ZSCAN20: variants seen among roughly 807,000 people sequenced by gnomAD.
The protein encoded by ZSCAN20 is zinc finger and SCAN domain-containing protein 20.
Under a neutral mutation model 97.1 loss-of-function variants are expected in ZSCAN20, and 39 were observed. That is an observed-to-expected ratio of 0.40 (90% CI 0.31 to 0.52). The LOEUF (loss-of-function observed/expected upper bound fraction) is 0.52, where lower values mean the gene tolerates loss of function less well. ZSCAN20 is among the 20% of genes least tolerant of loss of function. ZSCAN20 has a pLI of 0.49. For synonymous variants in ZSCAN20, 456 were observed against 467.3 expected (o/e 0.98, Z 0.31); for missense variants, 1,115 against 1,290.4 (o/e 0.86, Z 2.08).
chr1:33,479,983 A>G (rs1652087725), intron 2 of ZSCAN20, among the ~76,000 whole-genome samples: 1 of 152,170 alleles, frequency 6.6e-6, no homozygotes, highest in Admixed American at 6.5e-5. Flanking sequence ...CCAGGGTCTC[A>G]ACAGCTGCTA....
intron 2 of ZSCAN20, among the ~76,000 whole-genome samples, chr1:33,481,359 T>C (rs184003995): frequency 1.4e-3 from 208 of 152,166 alleles, no homozygotes; most frequent in Non-Finnish European, 2.3e-3. Context: ...AATGAGAGGG[T>C]TGGATTAGAC....
Position 33,495,168 on chromosome 1 carries a change from G to A in ZSCAN20, c.2824G>A (p.Glu942Lys). 6.2e-7 allele frequency: 1 copy of A among 1,613,824 alleles called. No individual in the cohort carries two copies. The highest frequency in any genetic ancestry group is 8.5e-7 in the Non-Finnish European group (1 of 1,179,892). Residue 942 changes from glutamate to lysine, a missense_variant, in exon 8 of 8, where the codon GAG becomes AAG. This residue lies in a region of ZSCAN20 where 554 missense variants were observed against 584.9 expected (regional missense o/e 0.95). Transcript: ENST00000684572. Reference sequence around the variant, plus strand: ...TGTGGACTGTGGGAAGTGCTTCAGTGAGCGCTCCAAGCTCATCACACACCA... The same window carrying A: ...TGTGGACTGTGGGAAGTGCTTCAGTAAGCGCTCCAAGCTCATCACACACCA... ...KCVDCGKCFS[E>K]RSKLITHQRV...
Position 33,496,336 on chromosome 1 carries a change from T to C in ZSCAN20, c.*860T>C, listed in dbSNP as rs1291319221. 2.0e-5 allele frequency: 3 copies of C among 152,224 alleles called. No homozygotes were observed. Among genetic ancestry groups the C allele is most frequent in the African/African-American group, 7.2e-5 (3 of 41,454 alleles). The allele number at this position is 152,224 out of a possible 1,614,324, so 9.4% of individuals were successfully genotyped here. On this transcript the variant is annotated 3_prime_UTR_variant, in exon 8 of 8. Transcript: ENST00000684572. The stretch of plus-strand genomic sequence containing the variant: ...TTATGAAATTTCCACATTTTGAATT[T>C]TTTAAACAAATATGGAAACTGAGAA...
chr1:33,479,390 C>G lies in ZSCAN20; in HGVS notation c.102C>G (p.Ser34=), dbSNP rs41265899. Residue 34 remains serine (S), a synonymous_variant, in exon 2 of 8, where the codon TCC becomes TCG. Transcript: ENST00000684572. ...KLEEDSWGSE[S]KLWEKDRGSV... ...AAGAGGACTCTTGGGGATCAGAATCCAAACTCTGGGAGAAGGACCGTGGCT... is the reference window on the plus strand; with the variant it reads ...AAGAGGACTCTTGGGGATCAGAATCGAAACTCTGGGAGAAGGACCGTGGCT... The G allele has an allele frequency of 4.9e-3, 7,960 of 1,614,238 alleles. 27 individuals are homozygous for G. The highest frequency in any genetic ancestry group is 5.8e-3 in the Non-Finnish European group (6,892 of 1,180,034).
At chr1:33,485,478 T>G (rs894239718) in intron 2 of ZSCAN20, among the ~76,000 whole-genome samples, 2 of 152,030 alleles carry the variant, frequency 1.3e-5, no homozygotes, top group Non-Finnish European at 2.9e-5. Flanking sequence ...GGTGGGACCT[T>G]GGCTCACTGC....
rs1331467096 is a variant in ZSCAN20 at position 33,499,145 on chromosome 1, G to A, written c.*3669G>A. ...GATAGCTCTCTGCTTTCGGGCTGCA[G>A]AAAAGAATTGAGTCACTTTCTGTAG... On this transcript the variant is annotated 3_prime_UTR_variant, in exon 8 of 8. Transcript: ENST00000684572. Among the ~76,000 whole-genome samples, 1 of 152,190 alleles carries A rather than the reference G, an allele frequency of 6.6e-6. No individual in the cohort carries two copies. Among genetic ancestry groups the A allele is most frequent in the East Asian group, 1.9e-4 (1 of 5,180 alleles).
Position 33,479,277 on chromosome 1 carries a change from C to T in ZSCAN20, c.-12C>T, listed in dbSNP as rs1382214519. On this transcript the variant is annotated 5_prime_UTR_variant, in exon 2 of 8. Coordinates refer to ENST00000684572, the MANE Select transcript of ZSCAN20 (RefSeq NM_001377376.1). Reference sequence around the variant, plus strand: ...GGTCAGCATAGCTGAAGTGAGGTGTCTGGGTTAGACAATGGCTATGGCCCT... The same window carrying T: ...GGTCAGCATAGCTGAAGTGAGGTGTTTGGGTTAGACAATGGCTATGGCCCT... 1 of 1,584,884 alleles carries T rather than the reference C, an allele frequency of 6.3e-7. No homozygotes were observed. The highest frequency in any genetic ancestry group is 8.6e-7 in the Non-Finnish European group (1 of 1,163,800).
At chr1:33,489,088 G>A (rs1369583772) in intron 3 of ZSCAN20, 27 bp from the exon 4 acceptor site, 2 of 1,596,088 alleles carry the variant, frequency 1.3e-6, no homozygotes, top group African/African-American at 2.7e-5. Context: ...CAGAGCTTGG[G>A]TTTCAGTGAC....
chr1:33,493,594 T>C lies in ZSCAN20; in HGVS notation c.1852T>C (p.Cys618Arg). Residue 618 changes from cysteine to arginine, a missense_variant, in exon 7 of 8, where the codon TGT becomes CGT. By Grantham distance (180) the Cys-to-Arg change is radical. Around this residue, in one of 3 missense-constraint regions of ZSCAN20, gnomAD observed 554 missense variants for 584.9 expected, o/e 0.95. Coordinates refer to ENST00000684572, the MANE Select transcript of ZSCAN20 (RefSeq NM_001377376.1). This position sits in a 1 kb window ranked among gnomAD's most constrained non-coding sequence, Gnocchi z 4.3. ...AGATGCTGTCAAACCTTCAACCTTG[T>C]GTCCTAAAGCCCCAGACATGGGTAA... ...NEDAVKPSTLCPKAPDMGFEM... is the reference protein window; with the variant it reads ...NEDAVKPSTLRPKAPDMGFEM... 6.3e-7 allele frequency: 1 copy of C among 1,589,742 alleles called. No homozygotes were observed. Among genetic ancestry groups the C allele is most frequent in the Non-Finnish European group, 8.6e-7 (1 of 1,165,156 alleles).
At chr1:33,478,002 A>AG (rs1652000291) in intron 1 of ZSCAN20, among the ~76,000 whole-genome samples, 1 of 152,066 alleles carries the variant, frequency 6.6e-6, no homozygotes, top group African/African-American at 2.4e-5. Flanking sequence ...CTTCCCAAAG[A>AG]GGGGAAGGTT....
rs970674312 is a variant in ZSCAN20, at chr1:33,490,793, TAAC to T, written c.767-217_767-215del. On this transcript the variant is annotated intron_variant, in intron 5 of 7. Transcript: ENST00000684572. ...CTCTTATATGATGTTTCATGTTTCA[TAAC>T]AACAACAACAACAAACAAATGAACA... Among the ~76,000 whole-genome samples, 7 of 152,112 alleles carry T rather than the reference TAAC, an allele frequency of 4.6e-5. No individual in the cohort carries two copies. The South Asian group carries it at 8.3e-4, about 18-fold the overall frequency.
chr1:33,494,344 G>A lies in ZSCAN20; in HGVS notation c.2000G>A (p.Ser667Asn), dbSNP rs1557446171. The change falls in exon 8 of 8, where the codon AGT becomes AAT. Residue 667 changes from serine (S) to asparagine (N), a missense_variant. Ser to Asn is a conservative substitution (Grantham distance 46, BLOSUM62 1). Transcript: ENST00000684572. Reference sequence around the variant, plus strand: ...CAACCTCTTGACTGGGGAGAAGACAGTGAAAATGAAAATGAAGATGAAGGG... The same window carrying A: ...CAACCTCTTGACTGGGGAGAAGACAATGAAAATGAAAATGAAGATGAAGGG... ...VCQPLDWGED[S>N]ENENEDEGQW... 1.9e-6 allele frequency: 3 copies of A among 1,614,186 alleles called. No homozygotes were observed. Among genetic ancestry groups the A allele is most frequent in the East Asian group, 2.2e-5 (1 of 44,884 alleles).
chr1:33,484,089 C>T (rs1246942326), intron 2 of ZSCAN20, among the ~76,000 whole-genome samples: 2 of 152,150 alleles, frequency 1.3e-5, no homozygotes, highest in African/African-American at 2.4e-5. Context: ...TATTAGTTCC[C>T]AGAAGTTTTT....
At position 33,479,598 on chromosome 1, in the gene ZSCAN20, C is replaced by A; in HGVS notation, c.310C>A (p.Pro104Thr). ...LVLEQFLTILPREVQTWVQAR... is the reference protein window; with the variant it reads ...LVLEQFLTILTREVQTWVQAR... ...GCTGGAGCAGTTCCTGACTATCTTG[C>A]CTAGGGAGGTCCAGACCTGGGTGCA... Residue 104 changes from proline (P) to threonine (T), a missense_variant, in exon 2 of 8, where the codon CCT becomes ACT. By Grantham distance (38) the Pro-to-Thr change is conservative. Around this residue, in one of 3 missense-constraint regions of ZSCAN20, gnomAD observed 508 missense variants for 611.2 expected, o/e 0.83. Transcript: ENST00000684572. The A allele has an allele frequency of 6.2e-7, 1 of 1,613,664 alleles. No individual in the cohort carries two copies. Among genetic ancestry groups the A allele is most frequent in the Middle Eastern group, 1.7e-4 (1 of 6,054 alleles).
In ZSCAN20 at chr1:33,500,013, G is replaced by A. The variant is rs1217788727; in HGVS notation, c.*4537G>A. Among the ~76,000 whole-genome samples, 1 of 152,182 alleles carries A rather than the reference G, an allele frequency of 6.6e-6. No homozygotes were observed. The highest frequency in any genetic ancestry group is 1.5e-5 in the Non-Finnish European group (1 of 68,046). On this transcript the variant is annotated 3_prime_UTR_variant, in exon 8 of 8. Transcript: ENST00000684572. The stretch of plus-strand genomic sequence containing the variant: ...GTGGGAGTGCAGGGAAGGCTTTACA[G>A]GAGAGGAGGGAGTTGAAATGGGCCT...
At position 33,491,097 on chromosome 1, in the gene ZSCAN20, T is replaced by C; in HGVS notation, c.839T>C (p.Ile280Thr). The C allele has an allele frequency of 6.2e-7, 1 of 1,613,728 alleles. No individual in the cohort carries two copies. Among genetic ancestry groups the C allele is most frequent in the South Asian group, 1.1e-5 (1 of 91,048 alleles). The change falls in exon 6 of 8, where the codon ATA becomes ACA. Residue 280 changes from isoleucine (I) to threonine (T), a missense_variant. Ile to Thr is a moderately conservative substitution (Grantham distance 89). Transcript: ENST00000684572. This position sits in a 1 kb window ranked among gnomAD's most constrained non-coding sequence, Gnocchi z 4.3. Reference sequence around the variant, plus strand: ...CCAGAGTTTTGGGGTCTAAGTCTTATAAATTCTGGGAAAAGGAGCACTGCA... The same window carrying C: ...CCAGAGTTTTGGGGTCTAAGTCTTACAAATTCTGGGAAAAGGAGCACTGCA... The part of the protein sequence containing the change: ...QGPEFWGLSL[I>T]NSGKRSTADY...
Position 33,494,571 on chromosome 1 carries a change from T to G in ZSCAN20, c.2227T>G (p.Cys743Gly), listed in dbSNP as rs35642856. 1,294 of 1,613,978 alleles carry G rather than the reference T, an allele frequency of 8.0e-4. 2 individuals are homozygous for G. Among genetic ancestry groups the G allele is most frequent in the Non-Finnish European group, 1.0e-3 (1,236 of 1,179,838 alleles). Residue 743 changes from cysteine to glycine, a missense_variant, in exon 8 of 8, where the codon TGT becomes GGT. By Grantham distance (159) the Cys-to-Gly change is radical. Transcript: ENST00000684572. ...TGEKPYKCLECGKNFSDRSNL... is the reference protein window; with the variant it reads ...TGEKPYKCLEGGKNFSDRSNL... ...TGAGAAGCCCTACAAATGCCTTGAATGTGGAAAAAACTTTAGTGACCGCTC... is the reference window on the plus strand; with the variant it reads ...TGAGAAGCCCTACAAATGCCTTGAAGGTGGAAAAAACTTTAGTGACCGCTC...
At position 33,479,817 on chromosome 1, in the gene ZSCAN20, C is replaced by A. The variant is rs950637440; in HGVS notation, c.417+112C>A. 7 of 1,180,582 alleles carry A rather than the reference C, an allele frequency of 5.9e-6. No homozygotes were observed. In the African/African-American group the frequency reaches 1.1e-4, roughly 18 times the overall value. The allele number at this position is 1,180,582 out of a possible 1,614,324, so 73.1% of individuals were successfully genotyped here. ...TAAAAATAACAATAGTTATTGAGAA[C>A]TGACACTTATTGACCACTACTGTAT... On this transcript the variant is annotated intron_variant, in intron 2 of 7. Transcript: ENST00000684572.
At chr1:33,489,262 T>C (rs1428875123) in intron 4 of ZSCAN20, 71 bp downstream of exon 4, 2 of 1,482,436 alleles carry the variant, frequency 1.3e-6, no homozygotes, top group African/African-American at 2.8e-5. Context: ...GTGTTCCTCC[T>C]CTCTCTCCAT....
Sources: allele counts gnomAD v4.1 joint callset (sites outside exome capture counted in the v4.1 genomes callset), GRCh38; gene constraint gnomAD v4.1.1; regional missense constraint gnomAD v4.1.1; non-coding constraint Gnocchi (gnomAD v3.1); transcripts MANE v1.5; gene names NCBI Gene and HGNC (gene_info 2026-07-23, HGNC 2026-07-21).